The following GET1 variants were observed in gnomAD, a reference collection of about 807,000 sequenced individuals.
GET1 encodes guided entry of tail-anchored proteins factor 1, also known as congenital heart disease 5 protein.
GET1 carries 20 observed loss-of-function variants against 22.6 expected under a neutral mutation model. That is an observed-to-expected ratio of 0.89 (90% CI 0.62 to 1.29). The LOEUF (loss-of-function observed/expected upper bound fraction) is 1.29, where lower values mean the gene tolerates loss of function less well. GET1 is among the 50% of genes most tolerant of loss of function. The probability of loss-of-function intolerance (pLI) is 0.00; values close to 1 mark genes in which losing one functional copy is unlikely to be tolerated. For synonymous variants in GET1, 92 were observed against 83.8 expected, an observed-to-expected ratio of 1.10 and a Z score of -0.53; for missense variants, 209 against 219.9, an observed-to-expected ratio of 0.95 and a Z score of 0.31.
At chr21:39,414,714 C>CTG (rs1491154881) in intron 1 of GET1, among the ~76,000 whole-genome samples, 4 of 100,080 alleles carry the variant, frequency 4.0e-5, no homozygotes, top group African/African-American at 1.2e-4. Flanking sequence ...GGTTCTCTCC[C>CTG]TCTCTCTCTC....
chr21:39,391,977 T>C, intron 3 of GET1, 141 bp downstream of exon 3: 1 of 720,520 alleles, frequency 1.4e-6, no homozygotes, highest in Non-Finnish European at 2.4e-6. Context: ...CATGGAGCTC[T>C]AAACACTCTC....
chr21:39,416,649 TCTTA>T (rs1238226713), intron 1 of GET1, among the ~76,000 whole-genome samples: 9 of 147,854 alleles, frequency 6.1e-5, no homozygotes, highest in Non-Finnish European at 1.0e-4. Context: ...TTTGACTCTA[TCTTA>T]CTTCTGTATT....
rs140521850 is a variant in GET1, at chr21:39,389,467, T to C, written c.103-1231T>C. The stretch of plus-strand genomic sequence containing the variant: ...GCTGAGGCATCTTTCTAAGTGTCTT[T>C]GTTGAAAGTGAGAAGACTGGCTTCC... On this transcript the variant is annotated intron_variant, in intron 1 of 4. Coordinates refer to ENST00000649170, the MANE Select transcript of GET1 (RefSeq NM_004627.6). Among the ~76,000 whole-genome samples, 422 of 152,294 alleles carry C rather than the reference T, an allele frequency of 2.8e-3. 1 individual carries two copies. Among genetic ancestry groups the C allele is most frequent in the African/African-American group, 9.5e-3 (394 of 41,564 alleles).
At chr21:39,399,305 T>G (rs2038780705), downstream of GET1, among the ~76,000 whole-genome samples, 1 of 152,150 alleles carries the variant, frequency 6.6e-6, no homozygotes, top group African/African-American at 2.4e-5. Context: ...AAAATGGAAC[T>G]TGGGAAGTAC....
chr21:39,400,004 G>A (rs2038800206), downstream of GET1, among the ~76,000 whole-genome samples: 1 of 151,494 alleles, frequency 6.6e-6, no homozygotes, highest in Non-Finnish European at 1.5e-5. Context: ...TTACAGGTGT[G>A]AGCCACCATG....
chr21:39,423,080 G>A (rs2074037815), intron 1 of GET1: 2 of 1,614,036 alleles, frequency 1.2e-6, no homozygotes, highest in Non-Finnish European at 1.7e-6. Context: ...AGTTTCTGCA[G>A]TGCCTGCAAG....
intron 1 of GET1, among the ~76,000 whole-genome samples, chr21:39,388,752 C>T (rs2038093485): frequency 6.6e-6 from 1 of 152,202 alleles, no homozygotes; most frequent in Non-Finnish European, 1.5e-5. Context: ...CGGGCGCCAC[C>T]TGGCGGTCAC....
intron 1 of GET1, among the ~76,000 whole-genome samples, chr21:39,385,180 G>T (rs1031626467): frequency 6.6e-6 from 1 of 152,118 alleles, no homozygotes; most frequent in African/African-American, 2.4e-5. Context: ...GGATGGGGCC[G>T]CGCTCAGGTA....
Position 39,380,326 on chromosome 21 carries a change from G to A in GET1, c.-59G>A, listed in dbSNP as rs1327475016. 34 of 1,546,058 alleles carry A rather than the reference G, an allele frequency of 2.2e-5. No homozygotes were observed. Among genetic ancestry groups the A allele is most frequent in the Non-Finnish European group, 2.9e-5 (33 of 1,144,988 alleles). ...TCACCGCGCAGGCGCGGTCGCCGCT[G>A]TTGTTGTGGTCCCCATGGAGCTGCC... On this transcript the variant is annotated 5_prime_UTR_variant, in exon 1 of 5. Coordinates refer to ENST00000649170, the MANE Select transcript of GET1 (RefSeq NM_004627.6).
chr21:39,391,658 C>T, intron 2 of GET1, 111 bp from the exon 3 acceptor site: 1 of 1,032,564 alleles, frequency 9.7e-7, no homozygotes, highest in Non-Finnish European at 1.4e-6. Flanking sequence ...AGCGATTGTT[C>T]CATTTATAAT....
At chr21:39,425,230 A>G (rs1349832629) in intron 1 of GET1, among the ~76,000 whole-genome samples, 2 of 152,178 alleles carry the variant, frequency 1.3e-5, no homozygotes. Context: ...ACCTTAAACT[A>G]CTGGTCCAAG....
At chr21:39,410,294 T>G (rs1230415957), downstream of GET1, 1 of 1,609,886 alleles carries the variant, frequency 6.2e-7, no homozygotes, top group East Asian at 2.2e-5. Flanking sequence ...CATCTGATTT[T>G]TGGGTTCCCT....
chr21:39,380,363 A>C lies in GET1; in HGVS notation c.-22A>C. 1 of 1,584,272 alleles carries C rather than the reference A, an allele frequency of 6.3e-7. No individual in the cohort carries two copies. Among genetic ancestry groups the C allele is most frequent in the Non-Finnish European group, 8.6e-7 (1 of 1,163,554 alleles). ...CCCATGGAGCTGCCGTAGCGGACCCAGCACAGCCAGGAGCGTCCGGGATGA... is the reference window on the plus strand; with the variant it reads ...CCCATGGAGCTGCCGTAGCGGACCCCGCACAGCCAGGAGCGTCCGGGATGA... On this transcript the variant is annotated 5_prime_UTR_variant, in exon 1 of 5. Coordinates refer to ENST00000649170, the MANE Select transcript of GET1 (RefSeq NM_004627.6).
chr21:39,387,871 G>C, intron 1 of GET1: 1 of 976,310 alleles, frequency 1.0e-6, no homozygotes, highest in Non-Finnish European at 1.2e-6. Context: ...CTGGAAGGGG[G>C]AGGGGGGGGG....
chr21:39,393,054 G>C, intron 3 of GET1, 112 bp from the exon 4 acceptor site: 2 of 830,718 alleles, frequency 2.4e-6, no homozygotes, highest in Non-Finnish European at 3.9e-6. Flanking sequence ...GGCTTGAGGT[G>C]CTCAGTCTGG....
chr21:39,381,101 A>T (rs1327102730), intron 1 of GET1, among the ~76,000 whole-genome samples: 1 of 152,084 alleles, frequency 6.6e-6, no homozygotes, highest in Admixed American at 6.6e-5. Flanking sequence ...TACCTCCCGG[A>T]GGAGTCTGGC....
intron 1 of GET1, chr21:39,380,721 C>T: frequency 8.0e-7 from 1 of 1,251,208 alleles, no homozygotes; most frequent in Non-Finnish European, 1.0e-6. Flanking sequence ...ACCCTGGACT[C>T]TTCTGGCTGT....
intron 4 of GET1, among the ~76,000 whole-genome samples, chr21:39,405,253 A>G (rs1347526531): frequency 6.6e-6 from 1 of 152,164 alleles, no homozygotes; most frequent in Admixed American, 6.5e-5. Context: ...GCTAGAGTGC[A>G]GTGGCACGAT....
Position 39,380,358 on chromosome 21 carries a change from G to C in GET1, c.-27G>C. 2 of 1,579,384 alleles carry C rather than the reference G, an allele frequency of 1.3e-6. No homozygotes were observed. The highest frequency in any genetic ancestry group is 1.7e-6 in the Non-Finnish European group (2 of 1,161,064). On this transcript the variant is annotated 5_prime_UTR_variant, in exon 1 of 5. Transcript: ENST00000649170. The stretch of plus-strand genomic sequence containing the variant: ...TGGTCCCCATGGAGCTGCCGTAGCG[G>C]ACCCAGCACAGCCAGGAGCGTCCGG...
Sources: gnomAD v4.1 joint callset for allele counts (sites outside exome capture counted in the v4.1 genomes callset) on GRCh38, gnomAD v4.1.1 for gene constraint, MANE v1.5 for transcripts, NCBI Gene and HGNC (gene_info 2026-07-23, HGNC 2026-07-21) for gene names.